The following MARCHF1 variants were observed in gnomAD, a reference collection of about 807,000 sequenced individuals.
MARCHF1 encodes the protein membrane associated ring-CH-type finger 1, also known as E3 ubiquitin-protein ligase MARCHF1.
Under a neutral mutation model 54.2 loss-of-function variants are expected in MARCHF1, and 40 were observed. The observed-to-expected ratio is 0.74, with a 90% CI of 0.57 to 0.96. MARCHF1 has a LOEUF of 0.96. Ranked by LOEUF, MARCHF1 falls within the 40% of genes least tolerant of loss-of-function variation. The pLI is 0.00. For synonymous variants in MARCHF1, 236 were observed against 236.3 expected (o/e 1.00, Z 0.01); for missense variants, 586 against 656.5 (o/e 0.89, Z 1.17).
chr4:163,813,778 T>C (rs1344246770), intron 4 of MARCHF1, among the ~76,000 whole-genome samples: 3 of 152,134 alleles, frequency 2.0e-5, no homozygotes, highest in Non-Finnish European at 2.9e-5. Flanking sequence ...GCGGCCGATA[T>C]GGTGTTGGGA....
chr4:163,797,885 C>A (rs974471771), intron 4 of MARCHF1, among the ~76,000 whole-genome samples: 1 of 152,098 alleles, frequency 6.6e-6, no homozygotes, highest in Non-Finnish European at 1.5e-5. Flanking sequence ...GTTTTCTGCT[C>A]ACACTCATGT....
chr4:163,653,787 G>C (rs1182583248), intron 5 of MARCHF1, among the ~76,000 whole-genome samples: 1 of 151,648 alleles, frequency 6.6e-6, no homozygotes, highest in Non-Finnish European at 1.5e-5. Context: ...TTTAGAGTTT[G>C]GGTTTGGAAA....
chr4:164,237,554 C>T (rs1361708756), intron 1 of MARCHF1, among the ~76,000 whole-genome samples: 1 of 152,036 alleles, frequency 6.6e-6, no homozygotes, highest in Non-Finnish European at 1.5e-5. Flanking sequence ...CACATATGCA[C>T]ACACACAAGA....
intron 4 of MARCHF1, among the ~76,000 whole-genome samples, chr4:163,722,264 T>C (rs1756368283): frequency 1.3e-5 from 2 of 152,162 alleles, no homozygotes; most frequent in Non-Finnish European, 2.9e-5. Flanking sequence ...AACATCTTTA[T>C]TTCTGCCTTC....
intron 5 of MARCHF1, among the ~76,000 whole-genome samples, chr4:163,677,172 C>A (rs144864317): frequency 6.6e-6 from 1 of 152,132 alleles, no homozygotes; most frequent in Non-Finnish European, 1.5e-5. Context: ...TGTGATCAAG[C>A]AGACAAAAAA....
intron 7 of MARCHF1, among the ~76,000 whole-genome samples, chr4:163,602,554 A>G (rs1294067632): frequency 6.6e-6 from 1 of 152,142 alleles, no homozygotes; most frequent in African/African-American, 2.4e-5. Context: ...GTTTACACCT[A>G]TATTTCCTAC....
At chr4:164,070,886 C>A (rs1251792653) in intron 2 of MARCHF1, among the ~76,000 whole-genome samples, 3 of 152,060 alleles carry the variant, frequency 2.0e-5, no homozygotes, top group African/African-American at 7.2e-5. Flanking sequence ...GTGGGAGGGA[C>A]CCTGGGAGGC....
intron 3 of MARCHF1, among the ~76,000 whole-genome samples, chr4:163,913,305 G>A (rs1289612792): frequency 6.6e-6 from 1 of 152,110 alleles, no homozygotes; most frequent in East Asian, 1.9e-4. Context: ...TAATGTTATT[G>A]ATTAATTTTC....
chr4:164,069,183 T>C (rs748135898), intron 2 of MARCHF1, among the ~76,000 whole-genome samples: 3 of 152,172 alleles, frequency 2.0e-5, no homozygotes, highest in Non-Finnish European at 4.4e-5. Flanking sequence ...AGCTCATGGA[T>C]TGTAAATGCA....
intron 4 of MARCHF1, among the ~76,000 whole-genome samples, chr4:163,788,707 A>G (rs998039217): frequency 6.6e-5 from 10 of 151,968 alleles, no homozygotes; most frequent in Admixed American, 2.6e-4. Flanking sequence ...CAATAAGCGT[A>G]TTACTGGTGC....
At position 164,154,892 on chromosome 4, in the gene MARCHF1, T is replaced by C. The variant is rs751212584; in HGVS notation, c.-322-43230A>G. Among the ~76,000 whole-genome samples, 8 of 152,084 alleles carry C rather than the reference T, an allele frequency of 5.3e-5. No individual in the cohort carries two copies. The South Asian group carries it at 1.0e-3, about 20-fold the overall frequency. ...TTGAAGGATGAATATGGGGGTTTTA[T>C]TGAGTGGTGGAGGTGGCTCTCAGCA... On this transcript the variant is annotated intron_variant, in intron 1 of 9. Coordinates refer to ENST00000514618, the MANE Select transcript of MARCHF1 (RefSeq NM_001394959.1).
intron 1 of MARCHF1, among the ~76,000 whole-genome samples, chr4:164,283,803 G>A (rs1463567127): frequency 6.6e-6 from 1 of 150,912 alleles, no homozygotes; most frequent in East Asian, 2.0e-4. Flanking sequence ...AGGAGGGAGT[G>A]TATACAGAGG....
intron 3 of MARCHF1, among the ~76,000 whole-genome samples, chr4:163,968,463 T>C (rs1054308730): frequency 6.6e-6 from 1 of 152,192 alleles, no homozygotes; most frequent in African/African-American, 2.4e-5. Flanking sequence ...ACCTCATGTC[T>C]TTCTCGAAAA....
chr4:164,154,310 T>A (rs1483022089), intron 1 of MARCHF1, among the ~76,000 whole-genome samples: 2 of 152,206 alleles, frequency 1.3e-5, no homozygotes, highest in Non-Finnish European at 2.9e-5. Flanking sequence ...CTTTTAGAAA[T>A]GGAACAAAGT....
chr4:163,538,339 TCA>T (rs796519415), intron 9 of MARCHF1, among the ~76,000 whole-genome samples: 3 of 150,130 alleles, frequency 2.0e-5, no homozygotes, highest in Admixed American at 2.0e-4. Flanking sequence ...TTTTTTTTTT[TCA>T]CACACACACA....
intron 5 of MARCHF1, among the ~76,000 whole-genome samples, chr4:163,678,086 G>C (rs950118022): frequency 3.3e-5 from 5 of 152,202 alleles, no homozygotes; most frequent in Admixed American, 3.3e-4. Flanking sequence ...AATTGCCCTT[G>C]ATACAGAATT....
At chr4:163,701,654 T>C (rs927137998) in intron 4 of MARCHF1, among the ~76,000 whole-genome samples, 3 of 152,170 alleles carry the variant, frequency 2.0e-5, no homozygotes, top group African/African-American at 7.2e-5. Context: ...GATGATCAAC[T>C]GGAAAAATCA....
Position 163,679,641 on chromosome 4 carries a change from C to G in MARCHF1, c.162+21172G>C, listed in dbSNP as rs560370776. 1.1e-4 allele frequency among the ~76,000 whole-genome samples: 16 copies of G among 147,782 alleles called. No individual in the cohort carries two copies. In the East Asian group the frequency reaches 2.9e-3, roughly 27 times the overall value. ...CTTTTTTTTTTTTTTGAGATGGAGT[C>G]TCGCTCTGTTGCCCAGGCTGGAGTG... On this transcript the variant is annotated intron_variant, in intron 5 of 9. Coordinates refer to ENST00000514618, the MANE Select transcript of MARCHF1 (RefSeq NM_001394959.1).
chr4:163,598,897 C>T (rs1431331073), intron 7 of MARCHF1, among the ~76,000 whole-genome samples: 2 of 152,080 alleles, frequency 1.3e-5, no homozygotes, highest in Non-Finnish European at 2.9e-5. Flanking sequence ...TTAAACTTTT[C>T]GACTCTTTTG....
Sources: allele counts gnomAD v4.1 joint callset (sites outside exome capture counted in the v4.1 genomes callset), GRCh38; gene constraint gnomAD v4.1.1; transcripts MANE v1.5; gene names NCBI Gene and HGNC (gene_info 2026-07-23, HGNC 2026-07-21).